The following TECTA variants were observed in gnomAD, a reference collection of about 807,000 sequenced individuals.
TECTA encodes alpha-tectorin.
In TECTA, 128 loss-of-function variants were observed where a neutral mutation model predicts 216.8. The observed-to-expected ratio is 0.59, with a 90% CI of 0.51 to 0.68. TECTA has a LOEUF of 0.68. Among genes scored for constraint, TECTA ranks in the 30% least tolerant of loss-of-function variants. The pLI, the probability that TECTA is intolerant of heterozygous loss-of-function variation, is 0.00. For missense variants in TECTA, 2,551 were observed against 2,786.2 expected (o/e 0.92, Z 1.90); for synonymous variants, 1,089 against 1,117.1 (o/e 0.97, Z 0.50).
intron 4 of TECTA, among the ~76,000 whole-genome samples, chr11:121,112,464 G>A (rs1216474673): frequency 1.3e-5 from 2 of 152,202 alleles, no homozygotes; most frequent in Non-Finnish European, 2.9e-5. Flanking sequence ...GAATGTTAAC[G>A]ATTTTCAGAA....
In TECTA at chr11:121,129,699, G is replaced by A. The variant is rs780375885; in HGVS notation, c.2429G>A (p.Arg810Gln). ...FHPSGKLEIY[R>Q]NKNSTTVESK... ...CCTTCGGGGAAGCTGGAAATTTATC[G>A]AAACAAAAACAGTACGACAGTGGAG... Residue 810 changes from arginine to glutamine, a missense_variant, in exon 10 of 24, where the codon CGA (arginine) becomes CAA (glutamine). By Grantham distance (43) the Arg-to-Gln change is conservative. Around this residue, in one of 3 missense-constraint regions of TECTA, gnomAD observed 2,375 missense variants for 2,563.9 expected, o/e 0.93. Transcript: ENST00000392793. 24 of 1,614,146 alleles carry A rather than the reference G, an allele frequency of 1.5e-5. No individual in the cohort carries two copies. The highest frequency in any genetic ancestry group is 1.2e-4 in the African/African-American group (9 of 75,030).
chr11:121,150,643 A>AT lies in TECTA; in HGVS notation c.4106-2217dup, dbSNP rs202043512. Among the ~76,000 whole-genome samples, 739 of 127,936 alleles carry AT rather than the reference A, an allele frequency of 5.8e-3. 10 individuals are homozygous for AT. The highest frequency in any genetic ancestry group is 0.016 in the Middle Eastern group (4 of 246). The allele number at this position is 127,936 out of a possible 152,430, so 83.9% of individuals were successfully genotyped here. A position where few individuals can be genotyped will look rare whatever the true frequency, so the allele number is the denominator to read the frequency against. ...TGACATACCACAAAGGCCTATTTTAATTTTTTTTTTTTTTTTTTTTTGAGA... is the reference window on the plus strand; with the variant it reads ...TGACATACCACAAAGGCCTATTTTAATTTTTTTTTTTTTTTTTTTTTTGAGA... On this transcript the variant is annotated intron_variant, in intron 12 of 23. Coordinates refer to ENST00000392793, the MANE Select transcript of TECTA (RefSeq NM_005422.4).
At chr11:121,134,325 C>CCACACACA (rs6144537) in intron 10 of TECTA, among the ~76,000 whole-genome samples, 29 of 146,956 alleles carry the variant, frequency 2.0e-4, no homozygotes, top group Middle Eastern at 3.4e-3. Flanking sequence ...AAAACCAACA[C>CCACACACA]CACACACACA....
At chr11:121,121,151 G>C (rs1164612960) in intron 7 of TECTA, among the ~76,000 whole-genome samples, 1 of 152,198 alleles carries the variant, frequency 6.6e-6, no homozygotes, top group African/African-American at 2.4e-5. Flanking sequence ...AAAATGATAA[G>C]GACCTCCTAA....
intron 10 of TECTA, among the ~76,000 whole-genome samples, chr11:121,131,446 G>A (rs895295965): frequency 1.1e-4 from 17 of 152,192 alleles, no homozygotes; most frequent in African/African-American, 4.1e-4. Flanking sequence ...CCACTTGAGA[G>A]TAAGTTGCTG....
intron 21 of TECTA, among the ~76,000 whole-genome samples, 153 bp downstream of exon 21, chr11:121,188,147 G>T (rs749343953): frequency 4.6e-5 from 7 of 152,174 alleles, no homozygotes; most frequent in Non-Finnish European, 7.4e-5. Context: ...GAGAGAAAAC[G>T]CAGGGAAATA....
At chr11:121,150,639 TTTAA>T (rs1471989628) in intron 12 of TECTA, among the ~76,000 whole-genome samples, 109 of 129,498 alleles carry the variant, frequency 8.4e-4, no homozygotes, top group African/African-American at 3.4e-3. Flanking sequence ...AAAGGCCTAT[TTTAA>T]TTTTTTTTTT....
At position 121,160,438 on chromosome 11, in the gene TECTA, TC is replaced by T; in HGVS notation, c.4976+18del. The T allele has an allele frequency of 6.2e-7, 1 of 1,605,030 alleles. No homozygotes were observed. Among genetic ancestry groups the T allele is most frequent in the Middle Eastern group, 1.9e-4 (1 of 5,322 alleles). The stretch of plus-strand genomic sequence containing the variant: ...GCAGAAGAGGTGAGGGTGTAGGAGT[TC>T]AAGCCACTAGACTTGGTGGCCCAAG... On this transcript the variant is annotated intron_variant, in intron 15 of 23. Coordinates refer to ENST00000392793, the MANE Select transcript of TECTA (RefSeq NM_005422.4).
intron 12 of TECTA, among the ~76,000 whole-genome samples, chr11:121,149,642 C>G (rs1445498914): frequency 6.6e-6 from 1 of 152,164 alleles, no homozygotes; most frequent in East Asian, 1.9e-4. Context: ...AGAGCGAGGC[C>G]TCAAATCCAG....
intron 7 of TECTA, among the ~76,000 whole-genome samples, chr11:121,120,800 C>T (rs1159115777): frequency 6.6e-6 from 1 of 152,252 alleles, no homozygotes; most frequent in Non-Finnish European, 1.5e-5. Flanking sequence ...CCCGCGTGAA[C>T]ACGAGTAGTT....
Position 121,105,879 on chromosome 11 carries a change from C to A in TECTA, c.113C>A (p.Thr38Asn), listed in dbSNP as rs750770599. 1.9e-6 allele frequency: 3 copies of A among 1,614,190 alleles called. No homozygotes were observed. The highest frequency in any genetic ancestry group is 1.1e-5 in the South Asian group (1 of 91,080). The change falls in exon 3 of 24, where the codon ACC (threonine) becomes AAC (asparagine). Residue 38 changes from threonine to asparagine, a missense_variant. Coordinates refer to ENST00000392793, the MANE Select transcript of TECTA (RefSeq NM_005422.4). This position sits in a 1 kb window ranked among gnomAD's most constrained non-coding sequence, Gnocchi z 5.3. ...MYPFWQNDTK[T>N]PKVDDGSSSE... ...CCATTTTGGCAGAATGACACCAAAA[C>A]CCCTAAAGTAGATGATGGAAGCTCA...
intron 12 of TECTA, among the ~76,000 whole-genome samples, chr11:121,148,277 G>A (rs1946858952): frequency 6.6e-6 from 1 of 152,188 alleles, no homozygotes; most frequent in Non-Finnish European, 1.5e-5. Context: ...ACTTAGAATC[G>A]TTCCCATCAC....
chr11:121,143,835 T>A (rs1028938852), intron 11 of TECTA, among the ~76,000 whole-genome samples: 1 of 152,222 alleles, frequency 6.6e-6, no homozygotes, highest in Admixed American at 6.5e-5. Flanking sequence ...GGGCAAGAGA[T>A]CTCAGCAGGG....
At chr11:121,169,821 G>A (rs965206903) in intron 20 of TECTA, among the ~76,000 whole-genome samples, 5 of 152,116 alleles carry the variant, frequency 3.3e-5, no homozygotes, top group African/African-American at 1.2e-4. Context: ...AGGGAATTTA[G>A]GATATCTATC....
intron 13 of TECTA, among the ~76,000 whole-genome samples, chr11:121,155,617 G>T (rs1946933371): frequency 1.3e-5 from 2 of 152,152 alleles, no homozygotes; most frequent in South Asian, 2.1e-4. Context: ...TTGATATCCA[G>T]GGTTTTGATG....
Position 121,111,522 on chromosome 11 carries a change from G to A in TECTA, c.487-1550G>A, listed in dbSNP as rs147411962. ...TGAGCTGAGGTGCGTGCGGGTGGCA[G>A]TCAGCCTCTGGGGTGTCACTGGTAT... On this transcript the variant is annotated intron_variant, in intron 4 of 23. Transcript: ENST00000392793. Among the ~76,000 whole-genome samples, 1,068 of 152,340 alleles carry A rather than the reference G, an allele frequency of 7.0e-3. 11 individuals carry two copies. The highest frequency in any genetic ancestry group is 0.025 in the African/African-American group (1,020 of 41,568).
In TECTA at chr11:121,166,593, T is replaced by C. The variant is rs1283753510; in HGVS notation, c.5399T>C (p.Ile1800Thr). The change falls in exon 18 of 24, where the codon ATC (isoleucine) becomes ACC (threonine). Residue 1800 changes from isoleucine (I) to threonine (T), a missense_variant. Ile to Thr is a moderately conservative substitution (Grantham distance 89). Transcript: ENST00000392793. The part of the protein sequence containing the change: ...PPYGNNSHDI[I>T]DAEVTCKAAQ... ...GTTCCCACAGACTCACATGACATTATCGATGCAGAGGTGACCTGCAAAGCA... is the reference window on the plus strand; with the variant it reads ...GTTCCCACAGACTCACATGACATTACCGATGCAGAGGTGACCTGCAAAGCA... The C allele has an allele frequency of 1.2e-6, 2 of 1,614,212 alleles. No individual in the cohort carries two copies. The highest frequency in any genetic ancestry group is 1.7e-6 in the Non-Finnish European group (2 of 1,180,040).
At chr11:121,131,007 G>C (rs1032546073) in intron 10 of TECTA, among the ~76,000 whole-genome samples, 3 of 150,252 alleles carry the variant, frequency 2.0e-5, no homozygotes, top group Admixed American at 2.0e-4. Context: ...GAGGTCAGGA[G>C]ATCGAGACCA....
intron 9 of TECTA, among the ~76,000 whole-genome samples, chr11:121,129,088 A>G (rs1239840256): frequency 6.6e-6 from 1 of 152,250 alleles, no homozygotes; most frequent in African/African-American, 2.4e-5. Flanking sequence ...GCCCAAGGAG[A>G]TAATAAAATA....
Sources: allele counts gnomAD v4.1 joint callset (sites outside exome capture counted in the v4.1 genomes callset), GRCh38; gene constraint gnomAD v4.1.1; regional missense constraint gnomAD v4.1.1; non-coding constraint Gnocchi (gnomAD v3.1); transcripts MANE v1.5; gene names NCBI Gene and HGNC (gene_info 2026-07-23, HGNC 2026-07-21).